The following HS6ST3 variants were observed in gnomAD, a reference collection of about 807,000 sequenced individuals.
HS6ST3 encodes heparan sulfate 6-O-sulfotransferase 3.
HS6ST3 carries 12 observed loss-of-function variants against 36.7 expected under a neutral mutation model. The observed-to-expected ratio is 0.33, with a 90% CI of 0.21 to 0.53. HS6ST3 has a LOEUF of 0.53. Ranked by LOEUF, HS6ST3 falls within the 20% of genes least tolerant of loss-of-function variation. The pLI, the probability that HS6ST3 is intolerant of heterozygous loss-of-function variation, is 0.95. For missense variants in HS6ST3, 584 were observed against 640.9 expected, an observed-to-expected ratio of 0.91 and a Z score of 0.96; for synonymous variants, 240 against 257.5, an observed-to-expected ratio of 0.93 and a Z score of 0.65.
chr13:96,587,944 G>A (rs2056367996), intron 1 of HS6ST3, among the ~76,000 whole-genome samples: 1 of 152,228 alleles, frequency 6.6e-6, no homozygotes, highest in South Asian at 2.1e-4. Flanking sequence ...ATGTTTTACA[G>A]TTTTCAGTAT....
intron 1 of HS6ST3, among the ~76,000 whole-genome samples, chr13:96,702,167 T>C (rs886993555): frequency 6.6e-6 from 1 of 152,078 alleles, no homozygotes; most frequent in Admixed American, 6.6e-5. Context: ...CAACATTGGG[T>C]TATGGTTTCA....
intron 1 of HS6ST3, among the ~76,000 whole-genome samples, chr13:96,157,055 C>T (rs2054113897): frequency 6.6e-6 from 1 of 152,232 alleles, no homozygotes; most frequent in Admixed American, 6.5e-5. Context: ...CTTCTCTGAA[C>T]TTCCATTTAT....
At chr13:96,765,016 T>G (rs921218626) in intron 1 of HS6ST3, among the ~76,000 whole-genome samples, 21 of 152,100 alleles carry the variant, frequency 1.4e-4, no homozygotes, top group Non-Finnish European at 3.1e-4. Flanking sequence ...TAACTAGAAT[T>G]TAAAATTCAG....
intron 1 of HS6ST3, among the ~76,000 whole-genome samples, chr13:96,786,042 C>T (rs1877639522): frequency 6.6e-6 from 1 of 152,150 alleles, no homozygotes; most frequent in African/African-American, 2.4e-5. Context: ...ACCTAGGGGG[C>T]TCTACAGGGT....
intron 1 of HS6ST3, among the ~76,000 whole-genome samples, chr13:96,398,446 C>G (rs1446939837): frequency 6.6e-6 from 1 of 152,092 alleles, no homozygotes; most frequent in Non-Finnish European, 1.5e-5. Flanking sequence ...CCATGCTCAG[C>G]TAATTTTTGT....
At position 96,834,152 on chromosome 13, in the gene HS6ST3, G is replaced by A. The variant is rs1212960587; in HGVS notation, c.*954G>A. The A allele has an allele frequency of 6.6e-6, 1 of 152,116 alleles. No individual in the cohort carries two copies. The highest frequency in any genetic ancestry group is 2.4e-5 in the African/African-American group (1 of 41,420). 9.4% of individuals were successfully genotyped at this position (152,116 alleles called of 1,614,324 possible). On this transcript the variant is annotated 3_prime_UTR_variant, in exon 2 of 2. Transcript: ENST00000376705. ...TGGAGAAGTTATGTTCTTTAATCGG[G>A]TACTACCAGTCTTGAAATTTTGCCA...
intron 1 of HS6ST3, among the ~76,000 whole-genome samples, chr13:96,219,689 CT>C (rs879763852): frequency 8.1e-4 from 118 of 146,212 alleles, no homozygotes; most frequent in Admixed American, 1.0e-3. Flanking sequence ...GATTCTCTTT[CT>C]TTTTTTTTTT....
In HS6ST3 at chr13:96,413,849, T is replaced by A. The variant is rs1030141657; in HGVS notation, c.707+322280T>A. On this transcript the variant is annotated intron_variant, in intron 1 of 1. Coordinates refer to ENST00000376705, the MANE Select transcript of HS6ST3 (RefSeq NM_153456.4). Reference sequence around the variant, plus strand: ...CTTTGATTGCTGCTGCTATTTAGCATTTGACCTCAAAATCCGTGGTGGAAT... The same window carrying A: ...CTTTGATTGCTGCTGCTATTTAGCAATTGACCTCAAAATCCGTGGTGGAAT... Among the ~76,000 whole-genome samples, 11 of 152,230 alleles carry A rather than the reference T, an allele frequency of 7.2e-5. No individual in the cohort carries two copies. In the South Asian group the frequency reaches 2.3e-3, roughly 31 times the overall value.
At chr13:96,161,775 A>G (rs1294736626) in intron 1 of HS6ST3, among the ~76,000 whole-genome samples, 1 of 152,230 alleles carries the variant, frequency 6.6e-6, no homozygotes, top group African/African-American at 2.4e-5. Flanking sequence ...GCAGAAGCAC[A>G]TAAGAGCAGA....
At chr13:96,641,534 A>G (rs141542017) in intron 1 of HS6ST3, among the ~76,000 whole-genome samples, 2,233 of 151,946 alleles carry the variant, frequency 0.015, 21 homozygotes, top group Admixed American at 0.023. Flanking sequence ...TGGGATTTAC[A>G]TCTGCCATTT....
intron 1 of HS6ST3, among the ~76,000 whole-genome samples, chr13:96,398,370 C>T (rs1235614498): frequency 6.6e-6 from 1 of 152,158 alleles, no homozygotes; most frequent in Non-Finnish European, 1.5e-5. Flanking sequence ...GCAACCTCTG[C>T]CTCCTGGGTT....
intron 1 of HS6ST3, among the ~76,000 whole-genome samples, chr13:96,118,397 CT>C (rs938097160): frequency 6.6e-6 from 1 of 151,984 alleles, no homozygotes; most frequent in Non-Finnish European, 1.5e-5. Flanking sequence ...ACATTTTGAT[CT>C]TGGACTTCCA....
intron 1 of HS6ST3, among the ~76,000 whole-genome samples, chr13:96,706,504 G>A (rs1012235946): frequency 1.8e-4 from 27 of 149,228 alleles, no homozygotes; most frequent in Admixed American, 3.3e-4. Context: ...GTGATATTGA[G>A]GCTCTCAGGA....
At chr13:96,151,265 G>C (rs1013170752) in intron 1 of HS6ST3, among the ~76,000 whole-genome samples, 1 of 152,144 alleles carries the variant, frequency 6.6e-6, no homozygotes, top group Non-Finnish European at 1.5e-5. Context: ...TTAGCTGGGT[G>C]TGGTGACGTG....
At chr13:96,408,952 A>G (rs1336344298) in intron 1 of HS6ST3, among the ~76,000 whole-genome samples, 1 of 152,112 alleles carries the variant, frequency 6.6e-6, no homozygotes, top group Non-Finnish European at 1.5e-5. Context: ...AGAAAAGAAA[A>G]TACTGTAATC....
intron 1 of HS6ST3, among the ~76,000 whole-genome samples, chr13:96,738,505 T>A (rs548232695): frequency 1.3e-5 from 2 of 152,350 alleles, no homozygotes; most frequent in African/African-American, 4.8e-5. Context: ...AGGAACTTTT[T>A]AAAAATTTTT....
intron 1 of HS6ST3, among the ~76,000 whole-genome samples, chr13:96,311,731 A>T (rs796371391): frequency 5.3e-5 from 8 of 152,314 alleles, no homozygotes; most frequent in African/African-American, 1.9e-4. Context: ...GGAGTAATTG[A>T]TTCAGAGTTC....
intron 1 of HS6ST3, among the ~76,000 whole-genome samples, chr13:96,778,197 G>A (rs1302637953): frequency 3.3e-5 from 5 of 152,112 alleles, no homozygotes; most frequent in South Asian, 2.1e-4. Flanking sequence ...AGACTTAAAC[G>A]TAAGACCTAA....
chr13:96,580,392 G>GTT (rs5805981), intron 1 of HS6ST3, among the ~76,000 whole-genome samples: 480 of 147,922 alleles, frequency 3.2e-3, no homozygotes, highest in African/African-American at 8.7e-3. Context: ...TCAACACTTT[G>GTT]TTTTTTTTTT....
Sources: allele counts gnomAD v4.1 joint callset (sites outside exome capture counted in the v4.1 genomes callset), GRCh38; gene constraint gnomAD v4.1.1; transcripts MANE v1.5; gene names NCBI Gene and HGNC (gene_info 2026-07-23, HGNC 2026-07-21).